The following RPAP2 variants were observed in gnomAD, a reference collection of about 807,000 sequenced individuals.
RPAP2 encodes the protein putative RNA polymerase II subunit B1 CTD phosphatase RPAP2.
A neutral mutation model predicts 73.1 loss-of-function variants in RPAP2; 52 were observed. That is an observed-to-expected ratio of 0.71 (90% CI 0.57 to 0.90). The LOEUF is 0.90. RPAP2 is among the 40% of genes least tolerant of loss of function. The pLI, the probability that RPAP2 is intolerant of heterozygous loss-of-function variation, is 0.00. For synonymous variants in RPAP2, 225 were observed against 242.1 expected (o/e 0.93, Z 0.65); for missense variants, 598 against 701.8 (o/e 0.85, Z 1.67).
chr1:92,336,155 A>G (rs1410978803), intron 9 of RPAP2, among the ~76,000 whole-genome samples, 192 bp from the exon 10 acceptor site: 1 of 152,132 alleles, frequency 6.6e-6, no homozygotes, highest in Non-Finnish European at 1.5e-5. Context: ...ACAGACTACA[A>G]AGTGGAGTGT....
At chr1:92,342,025 A>G (rs1444453852) in intron 10 of RPAP2, among the ~76,000 whole-genome samples, 3 of 152,238 alleles carry the variant, frequency 2.0e-5, no homozygotes, top group East Asian at 1.9e-4. Flanking sequence ...TATATGCTAG[A>G]TACTGTTTTA....
At chr1:92,371,675 A>G (rs1655160153) in intron 11 of RPAP2, among the ~76,000 whole-genome samples, 1 of 151,998 alleles carries the variant, frequency 6.6e-6, no homozygotes, top group Non-Finnish European at 1.5e-5. Flanking sequence ...AAGTTAAGTG[A>G]AATAAGCCAG....
At chr1:92,381,588 C>CTTTTTTTTTTTTTT (rs4000737) in intron 12 of RPAP2, among the ~76,000 whole-genome samples, 1 of 139,370 alleles carries the variant, frequency 7.2e-6, no homozygotes, top group African/African-American at 2.6e-5. Flanking sequence ...GGGAGATTTT[C>CTTTTTTTTTTTTTT]TTTTTTTTTT....
Position 92,398,629 on chromosome 1 carries a change from G to A in RPAP2, c.*11618G>A, listed in dbSNP as rs1343325259. On this transcript the variant is annotated 3_prime_UTR_variant, in exon 13 of 13. Coordinates refer to ENST00000610020, the MANE Select transcript of RPAP2 (RefSeq NM_024813.3). ...CAAGGAGCAGGGGTGACTTTCATCT[G>A]AAATGTACCTAGGCAGGCCAGAGTC... is the stretch of plus-strand genomic sequence containing the variant. The A allele has an allele frequency of 1.3e-5, 2 of 152,268 alleles. No homozygotes were observed. Among genetic ancestry groups the A allele is most frequent in the Non-Finnish European group, 2.9e-5 (2 of 68,082 alleles). The allele number at this position is 152,268 out of a possible 1,614,324, so 9.4% of individuals were successfully genotyped here.
Position 92,392,714 on chromosome 1 carries a change from A to C in RPAP2, c.*5703A>C, listed in dbSNP as rs1041114105. ...TCAGGATACAAAATCGGTGTGCAAA[A>C]ATCACAAGCATTCCTATATACCAAT... On this transcript the variant is annotated 3_prime_UTR_variant, in exon 13 of 13. Coordinates refer to ENST00000610020, the MANE Select transcript of RPAP2 (RefSeq NM_024813.3). 6 of 152,226 alleles carry C rather than the reference A, an allele frequency of 3.9e-5. No individual in the cohort carries two copies. In the East Asian group the frequency reaches 7.7e-4, roughly 20 times the overall value. 9.4% of individuals were successfully genotyped at this position (152,226 alleles called of 1,614,324 possible). A position where few individuals can be genotyped will look rare whatever the true frequency, so the allele number is the denominator to read the frequency against.
Position 92,393,627 on chromosome 1 carries a change from C to T in RPAP2, c.*6616C>T, listed in dbSNP as rs1656110493. The stretch of plus-strand genomic sequence containing the variant: ...TCTACAAAGAACTTAAACAAATTTA[C>T]AAGAAAAAAGCAAACAACCCCATCA... On this transcript the variant is annotated 3_prime_UTR_variant, in exon 13 of 13. Transcript: ENST00000610020. The T allele has an allele frequency of 6.6e-6, 1 of 152,078 alleles. No individual in the cohort carries two copies. The highest frequency in any genetic ancestry group is 6.6e-5 in the Admixed American group (1 of 15,258). 9.4% of individuals were successfully genotyped at this position (152,078 alleles called of 1,614,324 possible).
chr1:92,358,957 G>C (rs1054353276), intron 11 of RPAP2, among the ~76,000 whole-genome samples: 10 of 152,202 alleles, frequency 6.6e-5, no homozygotes, highest in African/African-American at 1.9e-4. Context: ...CTTGACCTCA[G>C]GCTATCATCC....
chr1:92,320,760 C>T, intron 7 of RPAP2, 126 bp downstream of exon 7: 2 of 609,436 alleles, frequency 3.3e-6, no homozygotes, highest in East Asian at 2.8e-5. Context: ...CCCATTCTAG[C>T]CCACACAAAG....
At chr1:92,310,238 A>G (rs944288914) in intron 6 of RPAP2, among the ~76,000 whole-genome samples, 4 of 152,112 alleles carry the variant, frequency 2.6e-5, no homozygotes, top group East Asian at 1.9e-4. Context: ...TTAATTTCCA[A>G]ATTCTTAGGG....
intron 11 of RPAP2, among the ~76,000 whole-genome samples, chr1:92,348,495 C>T (rs769831687): frequency 4.6e-5 from 7 of 152,186 alleles, no homozygotes; most frequent in Non-Finnish European, 7.3e-5. Context: ...TCTTTTCATT[C>T]TGCATTTGCA....
chr1:92,362,473 G>T (rs1216082174), intron 11 of RPAP2, among the ~76,000 whole-genome samples: 1 of 152,142 alleles, frequency 6.6e-6, no homozygotes, highest in African/African-American at 2.4e-5. Context: ...GGCTGTTTGT[G>T]TTGTCCCACC....
intron 8 of RPAP2, among the ~76,000 whole-genome samples, chr1:92,326,587 G>A (rs571633314): frequency 6.6e-6 from 1 of 152,274 alleles, no homozygotes; most frequent in East Asian, 1.9e-4. Flanking sequence ...CATGGGGGCA[G>A]GGCTATGTGC....
rs978139608 is a variant in RPAP2 at position 92,347,940 on chromosome 1, C to T, written c.1688+2026C>T. Among the ~76,000 whole-genome samples, 5 of 151,960 alleles carry T rather than the reference C, an allele frequency of 3.3e-5. No individual in the cohort carries two copies. The South Asian group carries it at 6.2e-4, about 19-fold the overall frequency. ...TTTTTTTTTCTTTGAGATGGAGTCT[C>T]GCTCTGTTGCCCAGGCTGGAGTGCA... On this transcript the variant is annotated intron_variant, in intron 11 of 12. Coordinates refer to ENST00000610020, the MANE Select transcript of RPAP2 (RefSeq NM_024813.3).
chr1:92,309,789 T>G (rs1651482618), intron 6 of RPAP2, among the ~76,000 whole-genome samples: 1 of 152,178 alleles, frequency 6.6e-6, no homozygotes, highest in Non-Finnish European at 1.5e-5. Context: ...AATAAACTTG[T>G]GGGAATGGGT....
At chr1:92,345,080 T>C (rs1653808124) in intron 10 of RPAP2, among the ~76,000 whole-genome samples, 2 of 152,186 alleles carry the variant, frequency 1.3e-5, no homozygotes, top group Admixed American at 1.3e-4. Flanking sequence ...TAAAGACCTA[T>C]TCTTATAATT....
chr1:92,324,213 T>A lies in RPAP2; in HGVS notation c.1293T>A (p.Asp431Glu), dbSNP rs760858982. The A allele has an allele frequency of 1.2e-6, 2 of 1,614,142 alleles. No individual in the cohort carries two copies. Among genetic ancestry groups the A allele is most frequent in the South Asian group, 1.1e-5 (1 of 91,086 alleles). Residue 431 changes from aspartate (D) to glutamate (E), a missense_variant, in exon 8 of 13, where the codon GAT (aspartate) becomes GAA (glutamate). Physicochemically the swap from Asp to Glu is conservative, Grantham distance 45. Transcript: ENST00000610020. ...PAWRESQNSLDESLPFRGSGT... is the reference protein window; with the variant it reads ...PAWRESQNSLEESLPFRGSGT... Reference sequence around the variant, plus strand: ...GGAGGGAATCTCAGAACAGCTTGGATGAGTCTTTACCTTTTAGGGGCTCAG... The same window carrying A: ...GGAGGGAATCTCAGAACAGCTTGGAAGAGTCTTTACCTTTTAGGGGCTCAG...
chr1:92,305,450 A>AACAAAAAAC (rs1202528088), intron 5 of RPAP2, among the ~76,000 whole-genome samples: 5 of 141,852 alleles, frequency 3.5e-5, no homozygotes, highest in Admixed American at 3.5e-4. Flanking sequence ...AAAAAAAAAA[A>AACAAAAAAC]AGACAATATG....
chr1:92,337,220 T>C (rs1055779548), intron 10 of RPAP2, among the ~76,000 whole-genome samples: 1 of 152,146 alleles, frequency 6.6e-6, no homozygotes, highest in African/African-American at 2.4e-5. Context: ...TATTATAGTC[T>C]ATTGTTGTCA....
intron 9 of RPAP2, 110 bp from the exon 10 acceptor site, chr1:92,336,237 C>T: frequency 1.4e-6 from 1 of 704,790 alleles, no homozygotes; most frequent in South Asian, 1.7e-5. Context: ...ATCATGACTG[C>T]TTCCATCTAA....
Sources: gnomAD v4.1 joint callset for allele counts (sites outside exome capture counted in the v4.1 genomes callset) on GRCh38, gnomAD v4.1.1 for gene constraint, MANE v1.5 for transcripts, NCBI Gene and HGNC (gene_info 2026-07-23, HGNC 2026-07-21) for gene names.